The following MAP3K4 variants were observed in gnomAD, a reference collection of about 807,000 sequenced individuals.
The protein encoded by MAP3K4 is mitogen-activated protein kinase kinase kinase 4.
Under a neutral mutation model 185.6 loss-of-function variants are expected in MAP3K4, and 67 were observed. The observed-to-expected ratio is 0.36, with a 90% confidence interval of 0.30 to 0.44. MAP3K4 has a LOEUF of 0.44. MAP3K4 is among the 20% of genes least tolerant of loss of function. The pLI, the probability that MAP3K4 is intolerant of heterozygous loss-of-function variation, is 1.00. For synonymous variants in MAP3K4, 702 were observed against 710.4 expected (o/e 0.99, Z 0.19); for missense variants, 1,551 against 1,995.1 (o/e 0.78, Z 4.24).
intron 11 of MAP3K4, among the ~76,000 whole-genome samples, chr6:161,089,997 C>A (rs1041992586): frequency 6.6e-6 from 1 of 152,148 alleles, no homozygotes; most frequent in African/African-American, 2.4e-5. Flanking sequence ...TTGACACTTT[C>A]TATTTTGTAT....
intron 1 of MAP3K4, among the ~76,000 whole-genome samples, chr6:161,010,175 A>G (rs117890897): frequency 0.013 from 1,973 of 152,332 alleles, 18 homozygotes; most frequent in Non-Finnish European, 0.02. Flanking sequence ...TGAGAGTAGT[A>G]ACTATTATCA....
intron 1 of MAP3K4, among the ~76,000 whole-genome samples, chr6:161,012,038 T>A (rs1781869819): frequency 6.6e-6 from 1 of 152,184 alleles, no homozygotes; most frequent in African/African-American, 2.4e-5. Context: ...ACCCTCAGAT[T>A]TAGCTGAAAT....
chr6:161,028,367 G>A lies in MAP3K4; in HGVS notation c.153-5892G>A, dbSNP rs551377412. 2.6e-5 allele frequency among the ~76,000 whole-genome samples: 4 copies of A among 152,106 alleles called. No homozygotes were observed. In the South Asian group the frequency reaches 8.3e-4, roughly 32 times the overall value. On this transcript the variant is annotated intron_variant, in intron 1 of 26. Transcript: ENST00000392142. ...CTTACTAGTAAGTGTGGGGGCGTAG[G>A]GATTTCATTATTGGCAAAAATCAAC...
At chr6:161,006,632 G>A (rs1781593535) in intron 1 of MAP3K4, among the ~76,000 whole-genome samples, 1 of 152,136 alleles carries the variant, frequency 6.6e-6, no homozygotes, top group Non-Finnish European at 1.5e-5. Flanking sequence ...CTGCGAGCCA[G>A]TCAGAATTGA....
At position 161,076,252 on chromosome 6, in the gene MAP3K4, TC is replaced by T. The variant is rs1248040637; in HGVS notation, c.2097+2641del. On this transcript the variant is annotated intron_variant, in intron 5 of 26. Transcript: ENST00000392142. This position sits in a 1 kb window ranked among gnomAD's most constrained non-coding sequence, Gnocchi z 4.2. ...ACAGCCATGACCGAAGCTGAGCCTGTCTCTCCAGGGATTCTGTTGTTGACTG... is the reference window on the plus strand; with the variant it reads ...ACAGCCATGACCGAAGCTGAGCCTGTTCTCCAGGGATTCTGTTGTTGACTG... Among the ~76,000 whole-genome samples, 1 of 152,186 alleles carries T rather than the reference TC, an allele frequency of 6.6e-6. No homozygotes were observed. Among genetic ancestry groups the T allele is most frequent in the Non-Finnish European group, 1.5e-5 (1 of 68,026 alleles).
rs1005895977 is a variant in MAP3K4 at position 161,070,551 on chromosome 6, C to G, written c.1708-57C>G. On this transcript the variant is annotated intron_variant, in intron 3 of 26. Transcript: ENST00000392142. This position sits in a 1 kb window ranked among gnomAD's most constrained non-coding sequence, Gnocchi z 4.5. ...GAGAATAAGAGTTTATAACCACAAC[C>G]GTAGAACGTTGTCTCGTATGCTCTT... 5 of 1,519,484 alleles carry G rather than the reference C, an allele frequency of 3.3e-6. No individual in the cohort carries two copies. Among genetic ancestry groups the G allele is most frequent in the African/African-American group, 2.8e-5 (2 of 72,168 alleles). 94.1% of individuals were successfully genotyped at this position (1,519,484 alleles called of 1,614,324 possible). A position where few individuals can be genotyped will look rare whatever the true frequency, so the allele number is the denominator to read the frequency against.
rs745715659 is a variant in MAP3K4, at chr6:161,053,207, C to T, written c.1707+3228C>T. Reference sequence around the variant, plus strand: ...GAGCAGGCACTTCTCATGGCTGGAGCACGGGCAGGGTGAAGGTGCTCCATT... The same window carrying T: ...GAGCAGGCACTTCTCATGGCTGGAGTACGGGCAGGGTGAAGGTGCTCCATT... On this transcript the variant is annotated intron_variant, in intron 3 of 26. Coordinates refer to ENST00000392142, the MANE Select transcript of MAP3K4 (RefSeq NM_005922.4). The surrounding 1 kb of genome is among the most constrained non-coding windows in gnomAD (Gnocchi z 4.2). Among the ~76,000 whole-genome samples the T allele has an allele frequency of 2.5e-4, 38 of 152,148 alleles. No individual in the cohort carries two copies. Among genetic ancestry groups the T allele is most frequent in the Non-Finnish European group, 2.1e-4 (14 of 68,026 alleles).
chr6:161,029,853 G>A (rs972660162), intron 1 of MAP3K4, among the ~76,000 whole-genome samples: 1 of 152,032 alleles, frequency 6.6e-6, no homozygotes, highest in African/African-American at 2.4e-5. Context: ...TTGTTTGTTT[G>A]TTTGTTTGTT....
rs1338436218 is a variant in MAP3K4 at position 161,109,142 on chromosome 6, G to A, written c.4236+283G>A. On this transcript the variant is annotated intron_variant, in intron 22 of 26. Coordinates refer to ENST00000392142, the MANE Select transcript of MAP3K4 (RefSeq NM_005922.4). This position sits in a 1 kb window ranked among gnomAD's most constrained non-coding sequence, Gnocchi z 5.7. ...TAAAACGCCCCTTACACCACTTCTT[G>A]TGACTTTTTTTCCGTTTTTTTGCTG... is the stretch of plus-strand genomic sequence containing the variant. 5.2e-6 allele frequency: 4 copies of A among 763,166 alleles called. No homozygotes were observed. The highest frequency in any genetic ancestry group is 8.3e-6 in the Non-Finnish European group (4 of 481,826). The allele number at this position is 763,166 out of a possible 1,614,324, so 47.3% of individuals were successfully genotyped here.
Position 161,067,192 on chromosome 6 carries a change from AT to A in MAP3K4, c.1708-3412del. ...GTCAGGGCACAGCTTGGTTTTATAC[AT>A]TTTAGGGAGACATGAGACATCAATC... On this transcript the variant is annotated intron_variant, in intron 3 of 26. Transcript: ENST00000392142. The surrounding 1 kb of genome is among the most constrained non-coding windows in gnomAD (Gnocchi z 6.3). The A allele has an allele frequency of 2.7e-6, 1 of 366,360 alleles. No individual in the cohort carries two copies. The highest frequency in any genetic ancestry group is 5.5e-6 in the Non-Finnish European group (1 of 180,928). The allele number at this position is 366,360 out of a possible 1,614,324, so 22.7% of individuals were successfully genotyped here.
intron 1 of MAP3K4, among the ~76,000 whole-genome samples, chr6:161,003,567 C>T (rs1288639118): frequency 2.6e-5 from 4 of 152,174 alleles, no homozygotes; most frequent in African/African-American, 7.2e-5. Context: ...CTGGCATAGT[C>T]CTTTTCCTTG....
intron 1 of MAP3K4, among the ~76,000 whole-genome samples, chr6:161,016,699 G>A (rs1299554120): frequency 7.2e-5 from 11 of 152,112 alleles, no homozygotes; most frequent in Non-Finnish European, 4.4e-5. Flanking sequence ...CACTGATCCC[G>A]TGTGTCTGTC....
In MAP3K4 at chr6:161,098,532, C is replaced by A; in HGVS notation, c.3674+105C>A. On this transcript the variant is annotated intron_variant, in intron 17 of 26. Coordinates refer to ENST00000392142, the MANE Select transcript of MAP3K4 (RefSeq NM_005922.4). This position sits in a 1 kb window ranked among gnomAD's most constrained non-coding sequence, Gnocchi z 4.4. ...TGCCGGCTGTGGTTGGGCTTCTTTGCTGTGGCGTGTGAGTGATGCTCTAGG... is the reference window on the plus strand; with the variant it reads ...TGCCGGCTGTGGTTGGGCTTCTTTGATGTGGCGTGTGAGTGATGCTCTAGG... 1.4e-6 allele frequency: 2 copies of A among 1,388,052 alleles called. No individual in the cohort carries two copies. Among genetic ancestry groups the A allele is most frequent in the South Asian group, 1.5e-5 (1 of 67,504 alleles). 86.0% of individuals were successfully genotyped at this position (1,388,052 alleles called of 1,614,324 possible).
intron 1 of MAP3K4, among the ~76,000 whole-genome samples, chr6:161,000,313 T>C (rs1041526545): frequency 6.6e-6 from 1 of 152,200 alleles, no homozygotes; most frequent in African/African-American, 2.4e-5. Context: ...ATGGATGCTG[T>C]TATACTTTGT....
intron 1 of MAP3K4, among the ~76,000 whole-genome samples, chr6:161,019,622 C>T (rs1326237996): frequency 6.6e-6 from 1 of 152,032 alleles, no homozygotes; most frequent in Non-Finnish European, 1.5e-5. Context: ...TTGGCTTGGC[C>T]GGTCTTGAAC....
chr6:161,089,268 T>TC (rs1384098639), intron 10 of MAP3K4, 54 bp from the exon 11 acceptor site: 1 of 1,575,798 alleles, frequency 6.3e-7, no homozygotes, highest in African/African-American at 1.4e-5. Context: ...TGAACTAGAA[T>TC]AACAACTAGT....
At position 161,082,641 on chromosome 6, in the gene MAP3K4, G is replaced by T. The variant is rs1271817915; in HGVS notation, c.2255+1603G>T. ...AACACTGTTTCTCCCAGGGTCAGTC[G>T]GTGTTGGAATCAGCGCTGACTCCTT... is the stretch of plus-strand genomic sequence containing the variant. On this transcript the variant is annotated intron_variant, in intron 6 of 26. Transcript: ENST00000392142. The surrounding 1 kb of genome is among the most constrained non-coding windows in gnomAD (Gnocchi z 4.2). 6.6e-6 allele frequency among the ~76,000 whole-genome samples: 1 copy of T among 152,066 alleles called. No homozygotes were observed. The highest frequency in any genetic ancestry group is 2.1e-4 in the South Asian group (1 of 4,810).
At chr6:160,992,190 C>T in intron 1 of MAP3K4, 107 bp downstream of exon 1, 1 of 1,373,864 alleles carries the variant, frequency 7.3e-7, no homozygotes, top group Non-Finnish European at 9.4e-7. Context: ...GGGAGGGAAG[C>T]ATCCAGTCTC....
rs900566918 is a variant in MAP3K4 at position 161,022,454 on chromosome 6, G to A, written c.153-11805G>A. On this transcript the variant is annotated intron_variant, in intron 1 of 26. Coordinates refer to ENST00000392142, the MANE Select transcript of MAP3K4 (RefSeq NM_005922.4). The surrounding 1 kb of genome is among the most constrained non-coding windows in gnomAD (Gnocchi z 4.2). ...GGTTAAAAAGCTTCACCAAAGATGT[G>A]AGTCCTAGAGCGGACCAGAGAACTG... 6.6e-6 allele frequency among the ~76,000 whole-genome samples: 1 copy of A among 152,208 alleles called. No homozygotes were observed. The highest frequency in any genetic ancestry group is 1.5e-5 in the Non-Finnish European group (1 of 68,042).
Sources: gnomAD v4.1 joint callset for allele counts (sites outside exome capture counted in the v4.1 genomes callset) on GRCh38, gnomAD v4.1.1 for gene constraint, Gnocchi (gnomAD v3.1) non-coding constraint, MANE v1.5 for transcripts, NCBI Gene and HGNC (gene_info 2026-07-23, HGNC 2026-07-21) for gene names.